AP1S3: variants seen among roughly 807,000 people sequenced by gnomAD.
The protein encoded by AP1S3 is adaptor related protein complex 1 subunit sigma 3.
Under a neutral mutation model 20.9 loss-of-function variants are expected in AP1S3, and 10 were observed. The ratio of observed to expected loss-of-function variants is 0.48; its 90% CI spans 0.29 to 0.81. The LOEUF (loss-of-function observed/expected upper bound fraction) is 0.81. Ranked by LOEUF, AP1S3 falls within the 30% of genes least tolerant of loss-of-function variation. The pLI is 0.08. For missense variants in AP1S3, 154 were observed against 183.8 expected (o/e 0.84, Z 0.94); for synonymous variants, 41 against 61.5 (o/e 0.67, Z 1.56).
intron 1 of AP1S3, among the ~76,000 whole-genome samples, chr2:223,815,195 C>A (rs540949949): frequency 6.6e-6 from 1 of 152,310 alleles, no homozygotes; most frequent in Non-Finnish European, 1.5e-5. Flanking sequence ...TGTCAATGTG[C>A]CATAAACCAT....
At chr2:223,822,816 A>T (rs1692021784) in intron 1 of AP1S3, among the ~76,000 whole-genome samples, 1 of 152,190 alleles carries the variant, frequency 6.6e-6, no homozygotes, top group Non-Finnish European at 1.5e-5. Context: ...GAAATGGGAG[A>T]AAATATTTAC....
intron 1 of AP1S3, among the ~76,000 whole-genome samples, chr2:223,802,208 A>T (rs1002126027): frequency 2.6e-5 from 4 of 152,172 alleles, no homozygotes; most frequent in African/African-American, 9.7e-5. Context: ...TGTTTCTAAG[A>T]GAAATGAGAT....
chr2:223,792,486 T>G (rs143286762), intron 1 of AP1S3, among the ~76,000 whole-genome samples: 1 of 152,216 alleles, frequency 6.6e-6, no homozygotes, highest in Non-Finnish European at 1.5e-5. Context: ...AAGGATTCCC[T>G]ATTTAATAAA....
At chr2:223,773,248 A>T in intron 3 of AP1S3, 1 of 1,282,582 alleles carries the variant, frequency 7.8e-7, no homozygotes, top group Non-Finnish European at 1.0e-6. Context: ...ATCTAGGAAA[A>T]TACAACAGGT....
At chr2:223,795,995 A>G (rs1344794210) in intron 1 of AP1S3, among the ~76,000 whole-genome samples, 1 of 152,158 alleles carries the variant, frequency 6.6e-6, no homozygotes, top group Non-Finnish European at 1.5e-5. Context: ...CAACATGGCG[A>G]AAGCCCTTCT....
At chr2:223,831,258 A>G (rs1328428288) in intron 1 of AP1S3, among the ~76,000 whole-genome samples, 2 of 152,046 alleles carry the variant, frequency 1.3e-5, no homozygotes, top group Admixed American at 6.6e-5. Flanking sequence ...AGCCTCTCAA[A>G]TAGCTGGGAC....
Position 223,758,351 on chromosome 2 carries a change from G to T in AP1S3, c.*364C>A. On this transcript the variant is annotated 3_prime_UTR_variant, in exon 5 of 5. Coordinates refer to ENST00000396654, the MANE Select transcript of AP1S3 (RefSeq NM_001039569.2). ...TATATACTTTACATTCAAAATCATGGATTATTACAATATTGTGTCAAATGC... is the reference window on the plus strand; with the variant it reads ...TATATACTTTACATTCAAAATCATGTATTATTACAATATTGTGTCAAATGC... 9.9e-7 allele frequency: 1 copy of T among 1,006,550 alleles called. No individual in the cohort carries two copies. The highest frequency in any genetic ancestry group is 1.2e-6 in the Non-Finnish European group (1 of 843,140). 62.4% of individuals were successfully genotyped at this position (1,006,550 alleles called of 1,614,324 possible). A position where few individuals can be genotyped will look rare whatever the true frequency, so the allele number is the denominator to read the frequency against.
chr2:223,836,915 C>A (rs1269870539), intron 1 of AP1S3, among the ~76,000 whole-genome samples: 1 of 152,128 alleles, frequency 6.6e-6, no homozygotes, highest in Non-Finnish European at 1.5e-5. Flanking sequence ...TCTCTCTAAT[C>A]CACCTGTAGC....
intron 1 of AP1S3, among the ~76,000 whole-genome samples, chr2:223,825,542 C>T (rs531043698): frequency 6.6e-6 from 1 of 152,336 alleles, no homozygotes; most frequent in South Asian, 2.1e-4. Context: ...ATCTCCTCCC[C>T]ACTGAATTCC....
Position 223,798,234 on chromosome 2 carries a change from C to G in AP1S3, c.4-20365G>C, listed in dbSNP as rs551982053. Among the ~76,000 whole-genome samples the G allele has an allele frequency of 1.4e-4, 22 of 152,280 alleles. 1 individual carries two copies. In the South Asian group the frequency reaches 4.6e-3, roughly 32 times the overall value. ...ATCTCAGAATCTCAGGTAGGCCTGTCATGTCAGCCTTTTTCCTGAAATAAA... is the reference window on the plus strand; with the variant it reads ...ATCTCAGAATCTCAGGTAGGCCTGTGATGTCAGCCTTTTTCCTGAAATAAA... On this transcript the variant is annotated intron_variant, in intron 1 of 4. Transcript: ENST00000396654.
chr2:223,775,749 T>C, intron 3 of AP1S3, 152 bp downstream of exon 3: 1 of 640,964 alleles, frequency 1.6e-6, no homozygotes, highest in Non-Finnish European at 2.7e-6. Flanking sequence ...AAATCTTGTA[T>C]TCTAATCTTA....
chr2:223,833,352 A>G (rs930721200), intron 1 of AP1S3, among the ~76,000 whole-genome samples: 3 of 152,178 alleles, frequency 2.0e-5, no homozygotes, highest in Non-Finnish European at 4.4e-5. Context: ...CTTTTTAAAC[A>G]CACTGGGCTC....
chr2:223,797,061 C>T (rs192922617), intron 1 of AP1S3, among the ~76,000 whole-genome samples: 3 of 152,310 alleles, frequency 2.0e-5, no homozygotes, highest in African/African-American at 7.2e-5. Context: ...TGCATTACTC[C>T]TCTAAGGTGA....
chr2:223,824,965 C>T (rs1692089088), intron 1 of AP1S3, among the ~76,000 whole-genome samples: 2 of 151,960 alleles, frequency 1.3e-5, no homozygotes, highest in African/African-American at 4.8e-5. Flanking sequence ...GTGGGATTAC[C>T]CGGAGGGGCA....
chr2:223,759,265 T>G (rs1178709570), intron 4 of AP1S3, among the ~76,000 whole-genome samples: 1 of 146,368 alleles, frequency 6.8e-6, no homozygotes, highest in Admixed American at 6.8e-5. Flanking sequence ...GGTGACAGAG[T>G]GAGACTCCGT....
At chr2:223,804,556 A>C (rs1691535266) in intron 1 of AP1S3, among the ~76,000 whole-genome samples, 1 of 152,062 alleles carries the variant, frequency 6.6e-6, no homozygotes, top group Admixed American at 6.6e-5. Context: ...TTTTAAATAA[A>C]TTAGGCCAGG....
chr2:223,805,870 T>C (rs1159903437), intron 1 of AP1S3, among the ~76,000 whole-genome samples: 1 of 152,190 alleles, frequency 6.6e-6, no homozygotes, highest in African/African-American at 2.4e-5. Flanking sequence ...AATTTGAATA[T>C]GTTCTGTGCC....
rs569477646 is a variant in AP1S3, at chr2:223,826,312, G to A, written c.3+11136C>T. On this transcript the variant is annotated intron_variant, in intron 1 of 4. Transcript: ENST00000396654. ...GTTGAATAAAACATTAATAACTTGC[G>A]GCAGGTATGGTGGCTTATGCCTGTA... Among the ~76,000 whole-genome samples, 7 of 114,766 alleles carry A rather than the reference G, an allele frequency of 6.1e-5. No individual in the cohort carries two copies. The South Asian group carries it at 1.2e-3, about 20-fold the overall frequency. The allele number at this position is 114,766 out of a possible 152,430, so 75.3% of individuals were successfully genotyped here. A position where few individuals can be genotyped will look rare whatever the true frequency, so the allele number is the denominator to read the frequency against.
At chr2:223,774,954 T>TG (rs1346605702) in intron 3 of AP1S3, among the ~76,000 whole-genome samples, 2 of 147,344 alleles carry the variant, frequency 1.4e-5, no homozygotes, top group Non-Finnish European at 3.0e-5. Flanking sequence ...TAGGAAGAGA[T>TG]GAGGGCATTT....
Sources: gnomAD v4.1 joint callset for allele counts (sites outside exome capture counted in the v4.1 genomes callset) on GRCh38, gnomAD v4.1.1 for gene constraint, MANE v1.5 for transcripts, NCBI Gene and HGNC (gene_info 2026-07-23, HGNC 2026-07-21) for gene names.